The following TEAD4 variants were observed in gnomAD, a reference collection of about 807,000 sequenced individuals.
TEAD4 encodes the protein TEA domain transcription factor 4, also known as transcriptional enhancer factor TEF-3.
TEAD4 carries 36 observed loss-of-function variants against 52.4 expected under a neutral mutation model. The ratio of observed to expected loss-of-function variants is 0.69; its 90% CI spans 0.53 to 0.91. The LOEUF is 0.91. TEAD4 is among the 40% of genes least tolerant of loss of function. TEAD4 has a pLI of 0.00. For missense variants in TEAD4, 508 were observed against 583.9 expected, an observed-to-expected ratio of 0.87 and a Z score of 1.34; for synonymous variants, 220 against 231.0, an observed-to-expected ratio of 0.95 and a Z score of 0.43.
At chr12:2,996,440 C>T (rs1229465140) in intron 3 of TEAD4, among the ~76,000 whole-genome samples, 3 of 149,566 alleles carry the variant, frequency 2.0e-5, no homozygotes, top group African/African-American at 7.4e-5. Context: ...TGGAGTTTCA[C>T]TCTTGTTGCC....
chr12:3,018,671 C>T lies in TEAD4; in HGVS notation c.527+83C>T, dbSNP rs999563236. On this transcript the variant is annotated intron_variant, in intron 7 of 12. Coordinates refer to ENST00000359864, the MANE Select transcript of TEAD4 (RefSeq NM_003213.4). ...TAAACTCATGGCATTAAGCCTGGGC[C>T]CCAGGGTGTGCTGGGGCCGCTGCTG... 1.9e-6 allele frequency: 3 copies of T among 1,584,964 alleles called. No individual in the cohort carries two copies. In the African/African-American group the frequency reaches 4.0e-5, roughly 21 times the overall value.
At chr12:3,036,976 C>G (rs1400001011) in intron 10 of TEAD4, among the ~76,000 whole-genome samples, 1 of 152,126 alleles carries the variant, frequency 6.6e-6, no homozygotes, top group Non-Finnish European at 1.5e-5. Flanking sequence ...AGTCAGGACC[C>G]CTCATGGATA....
chr12:3,020,813 C>T (rs1475816873), intron 9 of TEAD4, 40 bp downstream of exon 9: 3 of 1,500,134 alleles, frequency 2.0e-6, no homozygotes, highest in Non-Finnish European at 2.7e-6. Flanking sequence ...CCTGGTCACC[C>T]CCTCTCCCTC....
Position 3,040,170 on chromosome 12 carries a change from G to A in TEAD4, c.1102G>A (p.Glu368Lys). The A allele has an allele frequency of 6.2e-7, 1 of 1,614,188 alleles. No homozygotes were observed. The highest frequency in any genetic ancestry group is 8.5e-7 in the Non-Finnish European group (1 of 1,180,044). Residue 368 changes from glutamate (E) to lysine (K), a missense_variant, in exon 12 of 13, where the codon GAG (glutamate) becomes AAG (lysine). By Grantham distance (56) the Glu-to-Lys change is moderately conservative. Transcript: ENST00000359864. The stretch of plus-strand genomic sequence containing the variant: ...CCGCATCCACCGGTCCCCGCTCTGT[G>A]AGTACATGATCAACTTCATCCACAA...
chr12:3,040,325 T>C (rs1278306933), intron 12 of TEAD4, 40 bp from the exon 13 acceptor site: 2 of 1,613,816 alleles, frequency 1.2e-6, no homozygotes. Context: ...GCATGCCCCT[T>C]CTGGGGCCTT....
chr12:3,024,916 C>CGCT (rs397750724), intron 10 of TEAD4, among the ~76,000 whole-genome samples: 13 of 151,122 alleles, frequency 8.6e-5, no homozygotes, highest in African/African-American at 2.4e-4. Context: ...TCCTGGCTGC[C>CGCT]TCTGTTCTGC....
At chr12:3,036,816 C>T (rs1193253720) in intron 10 of TEAD4, among the ~76,000 whole-genome samples, 1 of 152,138 alleles carries the variant, frequency 6.6e-6, no homozygotes, top group Non-Finnish European at 1.5e-5. Context: ...ACAATTCCTG[C>T]CTCAGAGTCC....
intron 2 of TEAD4, among the ~76,000 whole-genome samples, chr12:2,985,513 T>C (rs1043951044): frequency 7.4e-5 from 10 of 134,670 alleles, no homozygotes; most frequent in Non-Finnish European, 1.3e-4. Context: ...TTTTTTTTTT[T>C]TTTTTTTTTT....
chr12:3,029,491 G>A (rs1423267713), intron 10 of TEAD4, among the ~76,000 whole-genome samples: 1 of 151,980 alleles, frequency 6.6e-6, no homozygotes, highest in Non-Finnish European at 1.5e-5. Flanking sequence ...ACCAGCCTCG[G>A]CCTCCCAAAG....
intron 10 of TEAD4, among the ~76,000 whole-genome samples, chr12:3,037,597 A>T (rs1377414277): frequency 6.6e-6 from 1 of 152,194 alleles, no homozygotes. Context: ...ACTAAAATAG[A>T]GCTGACTGGT....
At chr12:3,003,486 T>C (rs992519842) in intron 3 of TEAD4, among the ~76,000 whole-genome samples, 4 of 152,036 alleles carry the variant, frequency 2.6e-5, no homozygotes, top group South Asian at 2.1e-4. Flanking sequence ...ACGTTTTCAG[T>C]GGTGCTATGT....
chr12:2,985,625 C>T (rs1458683116), intron 2 of TEAD4, among the ~76,000 whole-genome samples: 1 of 149,244 alleles, frequency 6.7e-6, no homozygotes, highest in Non-Finnish European at 1.5e-5. Flanking sequence ...CCTGCCTCAG[C>T]CTCCCTAGTA....
chr12:2,977,881 T>G (rs1329460182), intron 2 of TEAD4, among the ~76,000 whole-genome samples: 1 of 152,182 alleles, frequency 6.6e-6, no homozygotes, highest in African/African-American at 2.4e-5. Context: ...AGAAGGGCCC[T>G]TTTTTGGCCT....
chr12:2,994,881 G>A lies in TEAD4; in HGVS notation c.115G>A (p.Ala39Thr), dbSNP rs1366402152. ...ACTGGACAAGCCCATCGACAATGAC[G>A]CAGAGGGCGTGTGGAGCCCGGATAT... is the stretch of plus-strand genomic sequence containing the variant. Residue 39 changes from alanine to threonine, a missense_variant, in exon 3 of 13, where the codon GCA (alanine) becomes ACA (threonine). Transcript: ENST00000359864. This position sits in a 1 kb window ranked among gnomAD's most constrained non-coding sequence, Gnocchi z 4.7. The A allele has an allele frequency of 7.4e-6, 12 of 1,614,060 alleles. No homozygotes were observed. The highest frequency in any genetic ancestry group is 6.6e-5 in the South Asian group (6 of 91,092).
In TEAD4 at chr12:2,959,613, A is replaced by C. The variant is rs2098213509; in HGVS notation, c.-123+132A>C. ...TCCGCCGCCCGCGTTCCCGCCTTGG[A>C]CCTCTGCGCTCCGACGCGCTCCGTC... is the stretch of plus-strand genomic sequence containing the variant. On this transcript the variant is annotated intron_variant, in intron 1 of 12. Transcript: ENST00000359864. This position sits in a 1 kb window ranked among gnomAD's most constrained non-coding sequence, Gnocchi z 5.1. 6.7e-6 allele frequency: 1 copy of C among 150,082 alleles called. No individual in the cohort carries two copies. The highest frequency in any genetic ancestry group is 2.4e-5 in the African/African-American group (1 of 40,898). 9.3% of individuals were successfully genotyped at this position (150,082 alleles called of 1,614,324 possible).
intron 2 of TEAD4, among the ~76,000 whole-genome samples, chr12:2,988,508 CAAAAAAAAA>C (rs35233597): frequency 7.6e-6 from 1 of 131,326 alleles, no homozygotes; most frequent in Admixed American, 7.7e-5. Context: ...AAAAAAAGCT[CAAAAAAAAA>C]AAAAAAAAAG....
chr12:3,008,526 C>T lies in TEAD4; in HGVS notation c.227-2478C>T, dbSNP rs193082280. Among the ~76,000 whole-genome samples, 875 of 152,290 alleles carry T rather than the reference C, an allele frequency of 5.7e-3. 2 individuals carry two copies. Among genetic ancestry groups the T allele is most frequent in the Non-Finnish European group, 8.2e-3 (555 of 68,026 alleles). On this transcript the variant is annotated intron_variant, in intron 3 of 12. Coordinates refer to ENST00000359864, the MANE Select transcript of TEAD4 (RefSeq NM_003213.4). ...CTTTTGAATTTCGATAGGGTCGCTG[C>T]AGCTGCTGTGTTGAGCATAGACTTG...
chr12:3,038,240 G>A (rs930999033), intron 11 of TEAD4, 132 bp downstream of exon 11: 9 of 1,199,302 alleles, frequency 7.5e-6, no homozygotes, highest in Non-Finnish European at 1.0e-5. Flanking sequence ...TTCCCTGTCT[G>A]CTGTCAGTGC....
chr12:2,988,096 TAA>T (rs955132812), intron 2 of TEAD4, among the ~76,000 whole-genome samples: 1 of 151,756 alleles, frequency 6.6e-6, no homozygotes, highest in Non-Finnish European at 1.5e-5. Flanking sequence ...TAAAATAAAA[TAA>T]AAAATCACAA....
Sources: allele counts gnomAD v4.1 joint callset (sites outside exome capture counted in the v4.1 genomes callset), GRCh38; gene constraint gnomAD v4.1.1; non-coding constraint Gnocchi (gnomAD v3.1); transcripts MANE v1.5; gene names NCBI Gene and HGNC (gene_info 2026-07-23, HGNC 2026-07-21).